ANKRD11: variants seen among roughly 807,000 people sequenced by gnomAD.
ANKRD11 encodes the protein ankyrin repeat domain 11.
In ANKRD11, 17 loss-of-function variants were observed where a neutral mutation model predicts 195.7. The observed-to-expected ratio is 0.09, with a 90% CI of 0.06 to 0.13. ANKRD11 has a LOEUF of 0.13. ANKRD11 is among the 10% of genes least tolerant of loss of function. The probability of loss-of-function intolerance (pLI) is 1.00; values close to 1 mark genes in which losing one functional copy is unlikely to be tolerated. For missense variants in ANKRD11, 3,735 were observed against 3,566.1 expected, an observed-to-expected ratio of 1.05 and a Z score of -1.21; for synonymous variants, 1,953 against 1,528.1, an observed-to-expected ratio of 1.28 and a Z score of -6.49.
chr16:89,349,362 C>A (rs1167061520), intron 2 of ANKRD11, among the ~76,000 whole-genome samples: 1 of 151,674 alleles, frequency 6.6e-6, no homozygotes, highest in Non-Finnish European at 1.5e-5. Flanking sequence ...CGCCTGTAGT[C>A]CCAGCTACTT....
At position 89,279,024 on chromosome 16, in the gene ANKRD11, C is replaced by T. The variant is rs376390555; in HGVS notation, c.7470+48G>A. On this transcript the variant is annotated intron_variant, in intron 9 of 12. Coordinates refer to ENST00000301030, the MANE Select transcript of ANKRD11 (RefSeq NM_013275.6). This position sits in a 1 kb window ranked among gnomAD's most constrained non-coding sequence, Gnocchi z 5.6. The stretch of plus-strand genomic sequence containing the variant: ...GGAAGCCGTGACTAGGGGCCCCAGA[C>T]GCATCCCAGAGAGAGAAGGCAGTGG... 1.6e-4 allele frequency: 255 copies of T among 1,609,118 alleles called. No individual in the cohort carries two copies. Among genetic ancestry groups the T allele is most frequent in the Admixed American group, 3.4e-4 (20 of 59,378 alleles).
Position 89,280,963 on chromosome 16 carries a change from G to A in ANKRD11, c.5579C>T (p.Pro1860Leu). The part of the protein sequence containing the change: ...YYSPDYGLPS[P>L]KVDALHCPPA... ...TGGGCAGTGCAAAGCGTCGACTTTGGGCGACGGGAGGCCATAGTCTGGGGA... is the reference window on the plus strand; with the variant it reads ...TGGGCAGTGCAAAGCGTCGACTTTGAGCGACGGGAGGCCATAGTCTGGGGA... The change falls in exon 9 of 13, where the codon CCC becomes CTC. Residue 1860 changes from proline to leucine, a missense_variant. Coordinates refer to ENST00000301030, the MANE Select transcript of ANKRD11 (RefSeq NM_013275.6). The A allele has an allele frequency of 6.4e-7, 1 of 1,571,044 alleles. No individual in the cohort carries two copies. Among genetic ancestry groups the A allele is most frequent in the Non-Finnish European group, 8.7e-7 (1 of 1,155,724 alleles).
rs575496424 is a variant in ANKRD11 at position 89,411,256 on chromosome 16, G to C, written c.-60+7028C>G. On this transcript the variant is annotated intron_variant, in intron 2 of 12. Transcript: ENST00000301030. ...ACCACGGGGGCCCAGGGACCTTTTT[G>C]CTCTACTTCTCTTTCAAACTTGCAG... Among the ~76,000 whole-genome samples the C allele has an allele frequency of 7.1e-4, 108 of 152,294 alleles. 4 individuals are homozygous for C. In the South Asian group the frequency reaches 0.022, roughly 31 times the overall value.
At chr16:89,348,856 A>G (rs2152022547) in intron 2 of ANKRD11, among the ~76,000 whole-genome samples, 1 of 150,134 alleles carries the variant, frequency 6.7e-6, no homozygotes, top group African/African-American at 2.5e-5. Context: ...CTAAGGGGCT[A>G]CCAGTTTTAT....
chr16:89,288,705 T>G (rs748137515), intron 6 of ANKRD11, 35 bp from the exon 7 acceptor site: 1 of 1,613,668 alleles, frequency 6.2e-7, no homozygotes, highest in East Asian at 2.2e-5. Flanking sequence ...CGTTATTTAA[T>G]CCTCAGAACT....
In ANKRD11 at chr16:89,280,406, C is replaced by G. The variant is rs749615651; in HGVS notation, c.6136G>C (p.Ala2046Pro). The change falls in exon 9 of 13, where the codon GCC becomes CCC. Residue 2046 changes from alanine to proline, a missense_variant. Coordinates refer to ENST00000301030, the MANE Select transcript of ANKRD11 (RefSeq NM_013275.6). ...GCCGCCTCTGAGGTGGAGATGGCGG[C>G]GGGGACGGCGTCCACTCCGTCCTTG... ...DVKDGVDAVP[A>P]AISTSEAAPY... 1.3e-6 allele frequency: 2 copies of G among 1,559,938 alleles called. No homozygotes were observed. The highest frequency in any genetic ancestry group is 1.8e-5 in the Admixed American group (1 of 54,388).
At chr16:89,348,074 C>T (rs1448215125) in intron 2 of ANKRD11, among the ~76,000 whole-genome samples, 4 of 152,012 alleles carry the variant, frequency 2.6e-5, no homozygotes, top group Non-Finnish European at 5.9e-5. Flanking sequence ...ACTGGGACTA[C>T]AGGCGCGCCA....
chr16:89,323,176 T>G, intron 2 of ANKRD11: 1 of 545,032 alleles, frequency 1.8e-6, no homozygotes, highest in South Asian at 1.7e-5. Context: ...GAGTGGTGCC[T>G]TGTGCACACC....
chr16:89,292,913 A>C (rs772937006), intron 4 of ANKRD11, among the ~76,000 whole-genome samples: 6 of 152,096 alleles, frequency 3.9e-5, no homozygotes, highest in Non-Finnish European at 8.8e-5. Flanking sequence ...GGCCCTCCCC[A>C]GGCTTGCTTC....
chr16:89,487,422 A>G (rs2057655882), intron 1 of ANKRD11, among the ~76,000 whole-genome samples: 1 of 152,216 alleles, frequency 6.6e-6, no homozygotes, highest in Admixed American at 6.5e-5. Context: ...CCATATGCAA[A>G]ATAAGACTCC....
intron 2 of ANKRD11, among the ~76,000 whole-genome samples, chr16:89,327,132 C>CAAA (rs975470429): frequency 1.8e-4 from 26 of 141,122 alleles, no homozygotes; most frequent in African/African-American, 6.4e-4. Context: ...AGGGCACCTA[C>CAAA]ACTTCTGATG....
intron 1 of ANKRD11, among the ~76,000 whole-genome samples, chr16:89,463,463 T>C (rs1420227631): frequency 6.6e-6 from 1 of 152,212 alleles, no homozygotes; most frequent in African/African-American, 2.4e-5. Context: ...AAACAGACGG[T>C]TGAAGGCAGC....
intron 2 of ANKRD11, among the ~76,000 whole-genome samples, chr16:89,388,255 C>G (rs953836146): frequency 4.0e-5 from 6 of 148,510 alleles, no homozygotes; most frequent in African/African-American, 1.5e-4. Context: ...AGGGCCCACG[C>G]GGGTGGTGCC....
intron 1 of ANKRD11, among the ~76,000 whole-genome samples, chr16:89,481,265 C>G (rs950601402): frequency 1.3e-5 from 2 of 152,164 alleles, no homozygotes; most frequent in Non-Finnish European, 2.9e-5. Context: ...TCTCCAGGTT[C>G]TCTTGTAGGG....
rs561668093 is a variant in ANKRD11 at position 89,281,305 on chromosome 16, G to A, written c.5237C>T (p.Thr1746Met). ...GCTGGTGGGAGCGGTGGGCACGGGC[G>A]TGGAGTGCTGCGAGTCGGCGCAGTC... ...VFDCADSQHSTPVPTAPTSAC... is the reference protein window; with the variant it reads ...VFDCADSQHSMPVPTAPTSAC... Residue 1746 changes from threonine (T) to methionine (M), a missense_variant, in exon 9 of 13, where the codon ACG becomes ATG. Transcript: ENST00000301030. The surrounding 1 kb of genome is among the most constrained non-coding windows in gnomAD (Gnocchi z 5.5). 33 of 1,614,150 alleles carry A rather than the reference G, an allele frequency of 2.0e-5. No homozygotes were observed. The highest frequency in any genetic ancestry group is 1.9e-4 in the African/African-American group (14 of 75,056).
Position 89,317,032 on chromosome 16 carries a change from C to T in ANKRD11, c.-13G>A, listed in dbSNP as rs745441977. The T allele has an allele frequency of 1.2e-6, 2 of 1,611,900 alleles. No individual in the cohort carries two copies. The highest frequency in any genetic ancestry group is 1.3e-5 in the African/African-American group (1 of 75,024). On this transcript the variant is annotated 5_prime_UTR_variant, in exon 3 of 13. An upstream open reading frame in the 5' UTR loses its in-frame stop. Coordinates refer to ENST00000301030, the MANE Select transcript of ANKRD11 (RefSeq NM_013275.6). Reference sequence around the variant, plus strand: ...CACCCTTGGGCATCGTCCTGCTCCTCACCCGATCTTCATTTACACGGCCGG... The same window carrying T: ...CACCCTTGGGCATCGTCCTGCTCCTTACCCGATCTTCATTTACACGGCCGG...
chr16:89,404,981 G>A (rs368724654), intron 2 of ANKRD11, among the ~76,000 whole-genome samples: 2 of 152,278 alleles, frequency 1.3e-5, no homozygotes, highest in African/African-American at 4.8e-5. Context: ...AAATAAAACT[G>A]AAATCAGACT....
chr16:89,419,557 T>C (rs1178441949), intron 1 of ANKRD11, among the ~76,000 whole-genome samples: 1 of 151,754 alleles, frequency 6.6e-6, no homozygotes, highest in Non-Finnish European at 1.5e-5. Flanking sequence ...AAAAAAAATC[T>C]ATACCCATGT....
chr16:89,451,507 G>C (rs1007977661), intron 1 of ANKRD11, among the ~76,000 whole-genome samples: 2 of 147,396 alleles, frequency 1.4e-5, no homozygotes, highest in African/African-American at 5.0e-5. Flanking sequence ...CGCCTCCCGA[G>C]TTTTCAAGCA....
Sources: allele counts gnomAD v4.1 joint callset (sites outside exome capture counted in the v4.1 genomes callset), GRCh38; gene constraint gnomAD v4.1.1; non-coding constraint Gnocchi (gnomAD v3.1); transcripts MANE v1.5; gene names NCBI Gene and HGNC (gene_info 2026-07-23, HGNC 2026-07-21).